CCDC158: variants seen among roughly 807,000 people sequenced by gnomAD.
The protein encoded by CCDC158 is coiled-coil domain-containing protein 158.
Under a neutral mutation model 138.6 loss-of-function variants are expected in CCDC158, and 116 were observed. The ratio of observed to expected loss-of-function variants is 0.84; its 90% CI spans 0.72 to 0.98. The LOEUF is 0.98. Ranked by LOEUF, CCDC158 falls within the 50% of genes least tolerant of loss-of-function variation. The pLI, the probability that CCDC158 is intolerant of heterozygous loss-of-function variation, is 0.00. For missense variants in CCDC158, 1,265 were observed against 1,306.1 expected, an observed-to-expected ratio of 0.97 and a Z score of 0.48; for synonymous variants, 436 against 442.4, an observed-to-expected ratio of 0.99 and a Z score of 0.18.
At chr4:76,346,536 C>T (rs528364459) in intron 18 of CCDC158, among the ~76,000 whole-genome samples, 89 of 152,206 alleles carry the variant, frequency 5.8e-4, no homozygotes, top group South Asian at 2.5e-3. Flanking sequence ...ATGGTGAAAC[C>T]GTGTTTCTAC....
In CCDC158 at chr4:76,367,681, T is replaced by C. The variant is rs1212246066; in HGVS notation, c.1443A>G (p.Val481=). The C allele has an allele frequency of 4.3e-6, 7 of 1,614,090 alleles. No homozygotes were observed. In the Admixed American group the frequency reaches 1.0e-4, roughly 23 times the overall value. Residue 481 remains valine (V), a synonymous_variant, in exon 12 of 25, where the codon GTA becomes GTG. Transcript: ENST00000682701. The part of the protein sequence containing the change: ...ESTKEMLRKV[V]EELTAKKMTL... ...TCATTTTCTTGGCTGTCAACTCTTC[T>C]ACTACTTTGCGCAGCATCTCTTTGG...
intron 18 of CCDC158, among the ~76,000 whole-genome samples, chr4:76,337,226 G>A (rs1721601284): frequency 6.6e-6 from 1 of 152,086 alleles, no homozygotes; most frequent in African/African-American, 2.4e-5. Context: ...CTTGGCTCAA[G>A]CAATCTGCCC....
intron 18 of CCDC158, among the ~76,000 whole-genome samples, chr4:76,348,649 C>G (rs1388423554): frequency 6.6e-6 from 1 of 152,072 alleles, no homozygotes; most frequent in Middle Eastern, 3.4e-3. Context: ...TGTTAAAAAA[C>G]ATGAATTAAA....
intron 21 of CCDC158, among the ~76,000 whole-genome samples, chr4:76,330,945 TCATC>T (rs1379104145): frequency 1.3e-5 from 2 of 152,188 alleles, no homozygotes; most frequent in African/African-American, 2.4e-5. Flanking sequence ...AATACTATCT[TCATC>T]CATTCACTAA....
chr4:76,403,093 G>A (rs1728545598), intron 3 of CCDC158, 45 bp downstream of exon 3: 1 of 1,350,884 alleles, frequency 7.4e-7, no homozygotes. Flanking sequence ...GAATATCATG[G>A]TTAATTCTAT....
intron 8 of CCDC158, among the ~76,000 whole-genome samples, chr4:76,382,394 C>T (rs2110301424): frequency 6.6e-6 from 1 of 152,282 alleles, no homozygotes; most frequent in South Asian, 2.1e-4. Flanking sequence ...AACAGCCAAT[C>T]CCAGGAGCCC....
In CCDC158 at chr4:76,369,430, C is replaced by T. The variant is rs374158846; in HGVS notation, c.1343G>A (p.Arg448Gln). 7.7e-5 allele frequency: 125 copies of T among 1,613,842 alleles called. 2 individuals are homozygous for T. In the Middle Eastern group the frequency reaches 1.5e-3, roughly 19 times the overall value. ...ACAGCCTGTGCAGGCACTGACCTGC[C>T]GCTCCATCTGGCCCTGACACTCGCT... ...LKSECQGQME[R>Q]QMAAIQGKNE... The change falls in exon 11 of 25, where the codon CGG (arginine) becomes CAG (glutamine). Residue 448 changes from arginine to glutamine, a missense_variant. By Grantham distance (43) the Arg-to-Gln change is conservative. Coordinates refer to ENST00000682701, the MANE Select transcript of CCDC158 (RefSeq NM_001394954.1).
intron 3 of CCDC158, among the ~76,000 whole-genome samples, chr4:76,399,843 G>A (rs2109849706): frequency 6.6e-6 from 1 of 152,306 alleles, no homozygotes. Flanking sequence ...TGATTTCTGA[G>A]CCAGATCTCT....
chr4:76,325,263 C>G (rs948389340), intron 23 of CCDC158, among the ~76,000 whole-genome samples: 1 of 152,154 alleles, frequency 6.6e-6, no homozygotes, highest in Non-Finnish European at 1.5e-5. Flanking sequence ...TCTAGTTTAT[C>G]TCTTACAAAA....
chr4:76,409,740 A>G (rs1452878622), intron 2 of CCDC158, among the ~76,000 whole-genome samples: 2 of 152,162 alleles, frequency 1.3e-5, no homozygotes, highest in Non-Finnish European at 2.9e-5. Context: ...CTGAGGCAGG[A>G]GAATGGCGTG....
At chr4:76,322,518 G>A (rs1363363564) in intron 24 of CCDC158, among the ~76,000 whole-genome samples, 6 of 152,184 alleles carry the variant, frequency 3.9e-5, no homozygotes, top group Non-Finnish European at 7.3e-5. Flanking sequence ...TCAATTAAGT[G>A]TAAATAGCAA....
At chr4:76,353,382 G>GGTTTAATTTTA (rs1355671702) in intron 15 of CCDC158, 101 bp from the exon 16 acceptor site, 9 of 906,910 alleles carry the variant, frequency 9.9e-6, no homozygotes, top group Non-Finnish European at 1.3e-5. Flanking sequence ...CCTGAACTAG[G>GGTTTAATTTTA]TAAGTTTAAT....
intron 4 of CCDC158, among the ~76,000 whole-genome samples, chr4:76,393,099 TA>T (rs1214303910): frequency 6.6e-6 from 1 of 152,016 alleles, no homozygotes; most frequent in African/African-American, 2.4e-5. Context: ...ATAAAAATAC[TA>T]ATGACATTCT....
At chr4:76,346,745 A>T (rs1390619872) in intron 18 of CCDC158, among the ~76,000 whole-genome samples, 1 of 152,130 alleles carries the variant, frequency 6.6e-6, no homozygotes, top group Non-Finnish European at 1.5e-5. Flanking sequence ...AACAGGCAAC[A>T]TACAGAATGA....
chr4:76,344,529 A>C, intron 18 of CCDC158: 3 of 893,702 alleles, frequency 3.4e-6, no homozygotes, highest in Non-Finnish European at 5.7e-6. Flanking sequence ...GATGTGCCCC[A>C]GCTGGGAAGC....
chr4:76,356,813 T>G (rs1315034642), intron 14 of CCDC158: 1 of 152,238 alleles, frequency 6.6e-6, no homozygotes, highest in East Asian at 1.9e-4. Context: ...AATATGGTCA[T>G]GTCAACAATT....
At chr4:76,421,599 T>TA (rs1477184690), upstream of CCDC158, 1 of 152,024 alleles carries the variant, frequency 6.6e-6, no homozygotes, top group East Asian at 1.9e-4. Context: ...TCTGAGCTCT[T>TA]ACCTGCCAAA....
Position 76,417,726 on chromosome 4 carries a change from T to C in CCDC158, c.-117+3239A>G, listed in dbSNP as rs181642843. ...CATGAAAACAGACTAACACAGCTCC[T>C]CTAGTTAGGGTAGGTGAGGGAAGGC... On this transcript the variant is annotated intron_variant, in intron 1 of 24. Coordinates refer to ENST00000682701, the MANE Select transcript of CCDC158 (RefSeq NM_001394954.1). Among the ~76,000 whole-genome samples, 353 of 152,222 alleles carry C rather than the reference T, an allele frequency of 2.3e-3. 6 individuals are homozygous for C. The highest frequency in any genetic ancestry group is 0.017 in the Middle Eastern group (5 of 294).
At chr4:76,320,468 A>C (rs1719893451) in intron 24 of CCDC158, among the ~76,000 whole-genome samples, 1 of 152,226 alleles carries the variant, frequency 6.6e-6, no homozygotes. Context: ...AACAAAAAAA[A>C]GATCCCACAT....
Sources: allele counts gnomAD v4.1 joint callset (sites outside exome capture counted in the v4.1 genomes callset), GRCh38; gene constraint gnomAD v4.1.1; transcripts MANE v1.5; gene names NCBI Gene and HGNC (gene_info 2026-07-23, HGNC 2026-07-21).